LRRC4C: variants seen among roughly 807,000 people sequenced by gnomAD.
LRRC4C encodes leucine rich repeat containing 4C.
In LRRC4C, 5 loss-of-function variants were observed where a neutral mutation model predicts 33.6. That is an observed-to-expected ratio of 0.15 (90% CI 0.08 to 0.31). The LOEUF is 0.31. Among genes scored for constraint, LRRC4C ranks in the 10% least tolerant of loss-of-function variants. LRRC4C has a pLI of 1.00. For missense variants in LRRC4C, 560 were observed against 796.7 expected (o/e 0.70, Z 3.58); for synonymous variants, 329 against 302.0 (o/e 1.09, Z -0.93).
chr11:40,897,093 C>A (rs1437910553), intron 2 of LRRC4C, among the ~76,000 whole-genome samples: 1 of 152,170 alleles, frequency 6.6e-6, no homozygotes, highest in East Asian at 1.9e-4. Context: ...AATGACTATT[C>A]AGTGTTCAGA....
At chr11:40,952,334 G>A (rs1958732219) in intron 1 of LRRC4C, among the ~76,000 whole-genome samples, 1 of 151,796 alleles carries the variant, frequency 6.6e-6, no homozygotes, top group African/African-American at 2.4e-5. Context: ...GAAGCAGGTT[G>A]GCTGGCTTCG....
intron 4 of LRRC4C, among the ~76,000 whole-genome samples, chr11:40,294,461 G>C (rs1271186965): frequency 2.0e-5 from 3 of 152,026 alleles, no homozygotes; most frequent in Non-Finnish European, 4.4e-5. Context: ...AACACACAAA[G>C]CTGTTGCTTT....
intron 4 of LRRC4C, among the ~76,000 whole-genome samples, chr11:40,286,589 A>G (rs1200432821): frequency 2.6e-5 from 4 of 152,196 alleles, no homozygotes; most frequent in African/African-American, 9.6e-5. Flanking sequence ...CAAAACACTC[A>G]CAGAATCTTA....
chr11:41,198,963 G>A (rs566457886), intron 1 of LRRC4C, among the ~76,000 whole-genome samples: 67 of 152,204 alleles, frequency 4.4e-4, no homozygotes, highest in African/African-American at 1.5e-3. Context: ...TTCTAAAAGC[G>A]AAAGGTACTA....
At chr11:40,441,640 T>A (rs1951400173) in intron 3 of LRRC4C, among the ~76,000 whole-genome samples, 1 of 152,224 alleles carries the variant, frequency 6.6e-6, no homozygotes, top group Non-Finnish European at 1.5e-5. Context: ...GAAATAAATC[T>A]GGAGTCAGAA....
At chr11:40,870,225 T>C (rs1221972333) in intron 2 of LRRC4C, among the ~76,000 whole-genome samples, 3 of 152,132 alleles carry the variant, frequency 2.0e-5, no homozygotes, top group African/African-American at 7.2e-5. Context: ...TTTATAGTTT[T>C]CAAAAAAATT....
chr11:40,957,046 G>A (rs1796773848), intron 1 of LRRC4C, among the ~76,000 whole-genome samples: 1 of 151,728 alleles, frequency 6.6e-6, no homozygotes, highest in Non-Finnish European at 1.5e-5. Flanking sequence ...TTTGTCCCAG[G>A]AGAGAAAACA....
intron 5 of LRRC4C, among the ~76,000 whole-genome samples, chr11:40,211,076 C>T (rs1863570918): frequency 6.6e-6 from 1 of 152,060 alleles, no homozygotes; most frequent in African/African-American, 2.4e-5. Flanking sequence ...TGCTCCCAGC[C>T]AAAAAATACC....
chr11:40,239,388 G>A (rs1470815), intron 5 of LRRC4C, among the ~76,000 whole-genome samples: 112,973 of 151,908 alleles, frequency 0.74, 46,053 homozygotes, highest in East Asian at 0.95. Context: ...ACTAACCAGT[G>A]TATGTTTGTT....
At chr11:40,437,392 T>C (rs1951185419) in intron 3 of LRRC4C, among the ~76,000 whole-genome samples, 1 of 152,092 alleles carries the variant, frequency 6.6e-6, no homozygotes, top group Non-Finnish European at 1.5e-5. Flanking sequence ...TGACTTTCTT[T>C]TTTTCTTTTT....
intron 2 of LRRC4C, among the ~76,000 whole-genome samples, chr11:40,825,818 T>C (rs1249889838): frequency 1.3e-5 from 2 of 151,644 alleles, no homozygotes; most frequent in African/African-American, 4.8e-5. Flanking sequence ...ATAGGAAAGG[T>C]TGAAGGATTC....
At chr11:40,913,001 C>T (rs1051873438) in intron 2 of LRRC4C, among the ~76,000 whole-genome samples, 1 of 152,170 alleles carries the variant, frequency 6.6e-6, no homozygotes, top group South Asian at 2.1e-4. Flanking sequence ...AGCTAACTAT[C>T]CTAAATATAT....
intron 3 of LRRC4C, among the ~76,000 whole-genome samples, chr11:40,568,198 G>T (rs1312049374): frequency 1.3e-5 from 2 of 152,154 alleles, no homozygotes; most frequent in East Asian, 3.9e-4. Context: ...TCAGATCTCT[G>T]ACTCTGGGGG....
chr11:40,349,027 G>A (rs1232289246), intron 3 of LRRC4C, among the ~76,000 whole-genome samples: 2 of 152,036 alleles, frequency 1.3e-5, no homozygotes, highest in African/African-American at 4.8e-5. Flanking sequence ...AATCATATCA[G>A]GGTAAATGGA....
chr11:40,294,678 T>C (rs1168866067), intron 4 of LRRC4C, among the ~76,000 whole-genome samples: 1 of 151,230 alleles, frequency 6.6e-6, no homozygotes, highest in African/African-American at 2.4e-5. Flanking sequence ...AATACAAAAA[T>C]TAGCCGGGAG....
At chr11:40,153,791 A>T (rs1858427045) in intron 5 of LRRC4C, among the ~76,000 whole-genome samples, 3 of 152,176 alleles carry the variant, frequency 2.0e-5, no homozygotes, top group Admixed American at 2.0e-4. Context: ...GAAGACTGGG[A>T]GTATGTTAAA....
chr11:40,641,898 C>G (rs748405181), intron 3 of LRRC4C, among the ~76,000 whole-genome samples: 1 of 152,128 alleles, frequency 6.6e-6, no homozygotes, highest in Non-Finnish European at 1.5e-5. Context: ...TATGTGATTC[C>G]GCAGTTTCAT....
chr11:40,941,045 C>A (rs1459890722), intron 1 of LRRC4C, among the ~76,000 whole-genome samples: 1 of 147,588 alleles, frequency 6.8e-6, no homozygotes, highest in Non-Finnish European at 1.5e-5. Flanking sequence ...TGAAGTGGGA[C>A]AAAAAAACAG....
intron 4 of LRRC4C, among the ~76,000 whole-genome samples, chr11:40,273,882 T>C (rs1942895179): frequency 6.6e-6 from 1 of 152,170 alleles, no homozygotes; most frequent in Non-Finnish European, 1.5e-5. Context: ...GATGCTGTTA[T>C]GGCTACCTAC....
Sources: gnomAD v4.1 joint callset for allele counts (sites outside exome capture counted in the v4.1 genomes callset) on GRCh38, gnomAD v4.1.1 for gene constraint, MANE v1.5 for transcripts, NCBI Gene and HGNC (gene_info 2026-07-23, HGNC 2026-07-21) for gene names.